EIF5B: variants seen among roughly 807,000 people sequenced by gnomAD.
The protein encoded by EIF5B is eukaryotic translation initiation factor 5B.
EIF5B carries 47 observed loss-of-function variants against 147.5 expected under a neutral mutation model. The ratio of observed to expected loss-of-function variants is 0.32; its 90% confidence interval spans 0.25 to 0.41. The LOEUF is 0.41. Among genes scored for constraint, EIF5B ranks in the 10% least tolerant of loss-of-function variants. The pLI is 1.00. For synonymous variants in EIF5B, 455 were observed against 456.2 expected (o/e 1.00, Z 0.03); for missense variants, 1,064 against 1,413.2 (o/e 0.75, Z 3.96).
chr2:99,348,399 G>A (rs541131454), intron 1 of EIF5B, among the ~76,000 whole-genome samples: 2 of 152,280 alleles, frequency 1.3e-5, no homozygotes, highest in Admixed American at 1.3e-4. Flanking sequence ...TAAGTGGTGG[G>A]GGCCACTGAG....
intron 16 of EIF5B, 44 bp from the exon 17 acceptor site, chr2:99,390,500 G>C: frequency 6.3e-7 from 1 of 1,593,718 alleles, no homozygotes. Context: ...AATGAACATG[G>C]TGCATTGTAT....
At chr2:99,394,425 G>A (rs779317105) in intron 19 of EIF5B, 27 bp downstream of exon 19, 1 of 1,613,600 alleles carries the variant, frequency 6.2e-7, no homozygotes, top group East Asian at 2.2e-5. Flanking sequence ...CGCTCCACAA[G>A]TGAATGGTGG....
intron 14 of EIF5B, among the ~76,000 whole-genome samples, chr2:99,387,068 C>G (rs926605152): frequency 6.6e-6 from 1 of 152,072 alleles, no homozygotes; most frequent in Non-Finnish European, 1.5e-5. Context: ...TGCCACCACA[C>G]CTGGCTGATT....
At chr2:99,396,564 A>AG (rs1675051191) in intron 21 of EIF5B, among the ~76,000 whole-genome samples, 196 bp from the exon 22 acceptor site, 2 of 152,252 alleles carry the variant, frequency 1.3e-5, no homozygotes, top group South Asian at 2.1e-4. Flanking sequence ...AATGGGGAGG[A>AG]GGAGGTTAAG....
chr2:99,337,477 A>C lies in EIF5B; in HGVS notation c.-78A>C. 1 of 1,562,316 alleles carries C rather than the reference A, an allele frequency of 6.4e-7. No homozygotes were observed. The highest frequency in any genetic ancestry group is 8.7e-7 in the Non-Finnish European group (1 of 1,150,240). ...ACGAGGGGAAAAGAGCTGAGCGGAG[A>C]CCAAAGTCAGCCGGGAGACAGTGGG... is the stretch of plus-strand genomic sequence containing the variant. On this transcript the variant is annotated 5_prime_UTR_variant, in exon 1 of 24. Coordinates refer to ENST00000289371, the MANE Select transcript of EIF5B (RefSeq NM_015904.4).
chr2:99,353,005 C>CTTTTGTTTTTTTTT (rs1674009572), intron 1 of EIF5B, among the ~76,000 whole-genome samples: 1 of 62,850 alleles, frequency 1.6e-5, no homozygotes, highest in Non-Finnish European at 2.7e-5. Context: ...TCTTCTTCTT[C>CTTTTGTTTTTTTTT]TTTTTTTTTT....
At chr2:99,347,195 T>C (rs1337514856) in intron 1 of EIF5B, among the ~76,000 whole-genome samples, 1 of 151,890 alleles carries the variant, frequency 6.6e-6, no homozygotes, top group Non-Finnish European at 1.5e-5. Flanking sequence ...TTAGTAGAGA[T>C]GAGGTCTTGG....
chr2:99,355,400 G>C (rs996127589), intron 1 of EIF5B, among the ~76,000 whole-genome samples: 15 of 151,982 alleles, frequency 9.9e-5, no homozygotes, highest in African/African-American at 3.4e-4. Context: ...CATCTTTACT[G>C]TGTTGAGTCT....
rs767996507 is a variant in EIF5B at position 99,361,247 on chromosome 2, T to C, written c.346T>C (p.Leu116=). ...QSFDDNDSEE[L]EDKDSKSKKT... ...TTTTGATGATAATGATAGCGAAGAA[T>C]TGGAAGATAAAGATTCAAAATCAAA... The change falls in exon 4 of 24, where the codon TTG becomes CTG. Residue 116 remains leucine (L), a synonymous_variant. Coordinates refer to ENST00000289371, the MANE Select transcript of EIF5B (RefSeq NM_015904.4). The C allele has an allele frequency of 2.7e-5, 44 of 1,611,992 alleles. No individual in the cohort carries two copies. The highest frequency in any genetic ancestry group is 1.7e-4 in the South Asian group (15 of 90,496).
intron 17 of EIF5B, among the ~76,000 whole-genome samples, chr2:99,392,597 C>T (rs1674960965): frequency 1.3e-5 from 2 of 152,090 alleles, no homozygotes; most frequent in East Asian, 3.9e-4. Context: ...TGTGCATTTG[C>T]CTAATTGTTA....
chr2:99,339,658 C>T (rs368751977), intron 1 of EIF5B, among the ~76,000 whole-genome samples: 142 of 152,156 alleles, frequency 9.3e-4, no homozygotes, highest in African/African-American at 3.3e-3. Flanking sequence ...ACTACAGGCG[C>T]GATCCGGCTT....
rs187524879 is a variant in EIF5B at position 99,392,295 on chromosome 2, G to A, written c.2749-672G>A. On this transcript the variant is annotated intron_variant, in intron 17 of 23. Transcript: ENST00000289371. ...TTGCCGTGTTGGCCAGGCTAGTCTC[G>A]AACTCCTGACCTCAGCCTCCCTAAG... Among the ~76,000 whole-genome samples, 329 of 152,082 alleles carry A rather than the reference G, an allele frequency of 2.2e-3. 1 individual carries two copies. Among genetic ancestry groups the A allele is most frequent in the Non-Finnish European group, 4.0e-3 (270 of 67,996 alleles).
chr2:99,387,921 C>T lies in EIF5B; in HGVS notation c.2272-1797C>T, dbSNP rs1034144708. On this transcript the variant is annotated intron_variant, in intron 14 of 23. Transcript: ENST00000289371. Reference sequence around the variant, plus strand: ...CACCTGGGCTGAAGCAATCTGCCCACGTCAGCCTCCCAAAGTGCTAAGATT... The same window carrying T: ...CACCTGGGCTGAAGCAATCTGCCCATGTCAGCCTCCCAAAGTGCTAAGATT... 5.3e-5 allele frequency among the ~76,000 whole-genome samples: 8 copies of T among 152,298 alleles called. No homozygotes were observed. The East Asian group carries it at 1.4e-3, about 26-fold the overall frequency.
chr2:99,361,253 G>C lies in EIF5B; in HGVS notation c.352G>C (p.Asp118His). Reference sequence around the variant, plus strand: ...TGATAATGATAGCGAAGAATTGGAAGATAAAGATTCAAAATCAAAAAAGAC... The same window carrying C: ...TGATAATGATAGCGAAGAATTGGAACATAAAGATTCAAAATCAAAAAAGAC... The part of the protein sequence containing the change: ...FDDNDSEELE[D>H]KDSKSKKTAK... Residue 118 changes from aspartate to histidine, a missense_variant, in exon 4 of 24, where the codon GAT becomes CAT. Asp to His is a moderately conservative substitution (Grantham distance 81, BLOSUM62 -1). Transcript: ENST00000289371. The C allele has an allele frequency of 6.2e-7, 1 of 1,612,668 alleles. No homozygotes were observed. Among genetic ancestry groups the C allele is most frequent in the Non-Finnish European group, 8.5e-7 (1 of 1,179,676 alleles).
chr2:99,386,233 G>A (rs974050028), intron 14 of EIF5B, among the ~76,000 whole-genome samples: 10 of 152,214 alleles, frequency 6.6e-5, no homozygotes, highest in Non-Finnish European at 1.5e-4. Context: ...TTTCCACAGT[G>A]ACTAATGGCT....
intron 14 of EIF5B, 112 bp downstream of exon 14, chr2:99,383,033 CT>C: frequency 3.8e-6 from 4 of 1,063,886 alleles, no homozygotes; most frequent in Non-Finnish European, 5.1e-6. Context: ...TTGTGCTTCA[CT>C]ATATTGTGCT....
At chr2:99,397,882 C>T (rs1406868693) in intron 22 of EIF5B, 2 of 151,834 alleles carry the variant, frequency 1.3e-5, no homozygotes, top group African/African-American at 2.4e-5. Context: ...CCATTTCTTA[C>T]AAAGAACCTC....
intron 1 of EIF5B, among the ~76,000 whole-genome samples, chr2:99,343,643 CCTA>C (rs2105334533): frequency 1.3e-5 from 2 of 151,696 alleles, no homozygotes; most frequent in South Asian, 4.2e-4. Flanking sequence ...CATGGCAAAA[CCTA>C]CTACTAAAAA....
At chr2:99,351,572 A>T (rs1326620133) in intron 1 of EIF5B, among the ~76,000 whole-genome samples, 1 of 152,228 alleles carries the variant, frequency 6.6e-6, no homozygotes, top group South Asian at 2.1e-4. Context: ...CCATTTTTGC[A>T]TTCCCTCTAG....
Sources: allele counts gnomAD v4.1 joint callset (sites outside exome capture counted in the v4.1 genomes callset), GRCh38; gene constraint gnomAD v4.1.1; transcripts MANE v1.5; gene names NCBI Gene and HGNC (gene_info 2026-07-23, HGNC 2026-07-21).